The following ACOXL variants were observed in gnomAD, a reference collection of about 807,000 sequenced individuals.
ACOXL encodes acyl-CoA oxidase like, also known as acyl-coenzyme A oxidase-like protein.
Under a neutral mutation model 71.9 loss-of-function variants are expected in ACOXL, and 70 were observed. The observed-to-expected ratio is 0.97, with a 90% confidence interval of 0.80 to 1.19. The LOEUF (loss-of-function observed/expected upper bound fraction) is 1.19. Among genes scored for constraint, ACOXL ranks in the 50% most tolerant of loss-of-function variants. The probability of loss-of-function intolerance (pLI) is 0.00; values close to 1 mark genes in which losing one functional copy is unlikely to be tolerated. For missense variants in ACOXL, 703 were observed against 736.3 expected (o/e 0.95, Z 0.52); for synonymous variants, 253 against 281.6 (o/e 0.90, Z 1.02).
At chr2:110,968,131 T>G (rs2062012530) in intron 12 of ACOXL, 2 of 1,341,042 alleles carry the variant, frequency 1.5e-6, no homozygotes, top group Admixed American at 1.7e-5. Context: ...TGCAGAGTAT[T>G]GTACTGGCCT....
At chr2:111,105,822 C>T (rs747334855) in intron 17 of ACOXL, among the ~76,000 whole-genome samples, 25 of 152,126 alleles carry the variant, frequency 1.6e-4, no homozygotes, top group Non-Finnish European at 3.1e-4. Context: ...TCTGTGTTGA[C>T]AATTCTTTTC....
At chr2:110,733,883 G>A (rs547157212) in intron 1 of ACOXL, among the ~76,000 whole-genome samples, 1 of 152,238 alleles carries the variant, frequency 6.6e-6, no homozygotes, top group South Asian at 2.1e-4. Context: ...CATTTCAGGC[G>A]GTTCATGAGT....
intron 10 of ACOXL, among the ~76,000 whole-genome samples, chr2:110,905,077 T>C (rs2059392178): frequency 6.6e-6 from 1 of 152,040 alleles, no homozygotes; most frequent in South Asian, 2.1e-4. Context: ...TTAACACAGG[T>C]GCACATGACA....
chr2:110,813,930 A>G (rs932072456), intron 9 of ACOXL, among the ~76,000 whole-genome samples: 1 of 152,168 alleles, frequency 6.6e-6, no homozygotes. Flanking sequence ...AAGATGTAAC[A>G]GTTTGCCCAG....
At chr2:111,045,646 C>G (rs140428490) in intron 15 of ACOXL, among the ~76,000 whole-genome samples, 62 of 152,196 alleles carry the variant, frequency 4.1e-4, no homozygotes, top group African/African-American at 1.3e-3. Flanking sequence ...GTTTTCACCC[C>G]CTCTTCTCTT....
intron 2 of ACOXL, among the ~76,000 whole-genome samples, chr2:110,769,409 G>T (rs537866405): frequency 6.6e-6 from 1 of 152,128 alleles, no homozygotes. Context: ...TACTTTGGGA[G>T]GCCAAGGTGG....
chr2:110,807,828 C>G (rs1324905320), intron 9 of ACOXL, among the ~76,000 whole-genome samples: 4 of 152,188 alleles, frequency 2.6e-5, no homozygotes, highest in Admixed American at 6.5e-5. Flanking sequence ...TCTGCTCTTG[C>G]TGATGAGTGG....
chr2:110,859,936 AG>A (rs1468484595), intron 10 of ACOXL, among the ~76,000 whole-genome samples: 1 of 152,158 alleles, frequency 6.6e-6, no homozygotes, highest in African/African-American at 2.4e-5. Context: ...GCCCTTCTTC[AG>A]CCACAGAGAT....
At chr2:110,967,833 G>A (rs1028273341) in intron 12 of ACOXL, 6 of 1,151,046 alleles carry the variant, frequency 5.2e-6, no homozygotes, top group Non-Finnish European at 7.7e-6. Flanking sequence ...TGTTTTGCAG[G>A]ATGGGGTTTG....
chr2:110,836,727 G>T (rs1464327830), intron 9 of ACOXL, among the ~76,000 whole-genome samples: 2 of 152,176 alleles, frequency 1.3e-5, no homozygotes, highest in Non-Finnish European at 1.5e-5. Context: ...AATTCTTTAG[G>T]CCTTTGAAAT....
chr2:110,818,243 T>G (rs1370635630), intron 9 of ACOXL, among the ~76,000 whole-genome samples: 2 of 151,556 alleles, frequency 1.3e-5, no homozygotes, highest in Non-Finnish European at 2.9e-5. Flanking sequence ...ATTACAAAAA[T>G]TAGCCTGGTG....
At chr2:110,856,546 C>T (rs1220117194) in intron 10 of ACOXL, among the ~76,000 whole-genome samples, 1 of 152,156 alleles carries the variant, frequency 6.6e-6, no homozygotes, top group Non-Finnish European at 1.5e-5. Flanking sequence ...TCATATGCTG[C>T]GGTTGCTAAG....
At chr2:110,823,870 A>G (rs1012679927) in intron 9 of ACOXL, among the ~76,000 whole-genome samples, 2 of 152,192 alleles carry the variant, frequency 1.3e-5, no homozygotes, top group African/African-American at 4.8e-5. Flanking sequence ...TTTGGATATC[A>G]GTCCTTTGTT....
At chr2:110,745,404 C>G (rs1678072505) in intron 1 of ACOXL, among the ~76,000 whole-genome samples, 1 of 152,228 alleles carries the variant, frequency 6.6e-6, no homozygotes. Flanking sequence ...TAGTCAGTGT[C>G]TGCCCACACC....
At chr2:110,927,639 G>A (rs2060323387) in intron 11 of ACOXL, among the ~76,000 whole-genome samples, 1 of 152,174 alleles carries the variant, frequency 6.6e-6, no homozygotes, top group African/African-American at 2.4e-5. Context: ...AGCAGCCTGG[G>A]CCCATCTTGT....
At chr2:111,111,531 T>C (rs2069962662) in intron 17 of ACOXL, among the ~76,000 whole-genome samples, 1 of 152,270 alleles carries the variant, frequency 6.6e-6, no homozygotes, top group African/African-American at 2.4e-5. Flanking sequence ...GTGGTTACTT[T>C]AATCCCATTG....
chr2:110,889,340 A>T (rs950750422), intron 10 of ACOXL, among the ~76,000 whole-genome samples: 5 of 152,192 alleles, frequency 3.3e-5, no homozygotes, highest in African/African-American at 1.2e-4. Context: ...AGCTTTATTG[A>T]TATATCATCC....
At chr2:110,865,044 C>G (rs979371781) in intron 10 of ACOXL, among the ~76,000 whole-genome samples, 4 of 152,060 alleles carry the variant, frequency 2.6e-5, no homozygotes, top group African/African-American at 9.7e-5. Context: ...TTATGTATTT[C>G]TGTGTGGTGG....
At chr2:110,994,571 C>T (rs1301798677) in intron 13 of ACOXL, among the ~76,000 whole-genome samples, 1 of 152,040 alleles carries the variant, frequency 6.6e-6, no homozygotes. Flanking sequence ...GTGAATTAAC[C>T]CTTCCCCTGG....
Sources: allele counts gnomAD v4.1 joint callset (sites outside exome capture counted in the v4.1 genomes callset), GRCh38; gene constraint gnomAD v4.1.1; transcripts MANE v1.5; gene names NCBI Gene and HGNC (gene_info 2026-07-23, HGNC 2026-07-21).